GRM5: variants seen among roughly 807,000 people sequenced by gnomAD.
The protein encoded by GRM5 is glutamate metabotropic receptor 5.
A neutral mutation model predicts 83.1 loss-of-function variants in GRM5; 19 were observed. That is an observed-to-expected ratio of 0.23 (90% CI 0.16 to 0.34). The LOEUF (loss-of-function observed/expected upper bound fraction) is 0.34, where lower values mean the gene tolerates loss of function less well. Ranked by LOEUF, GRM5 falls within the 10% of genes least tolerant of loss-of-function variation. GRM5 has a pLI of 1.00. For synonymous variants in GRM5, 675 were observed against 633.6 expected (o/e 1.07, Z -0.98); for missense variants, 1,160 against 1,588.3 (o/e 0.73, Z 4.58).
intron 4 of GRM5, among the ~76,000 whole-genome samples, chr11:88,626,055 T>C (rs16914349): frequency 0.059 from 9,003 of 152,240 alleles, 313 homozygotes; most frequent in East Asian, 0.18. Flanking sequence ...CACACTAAAC[T>C]TTCACAGACA....
chr11:88,634,254 AC>A (rs1458740133), intron 4 of GRM5, among the ~76,000 whole-genome samples: 2 of 152,024 alleles, frequency 1.3e-5, no homozygotes, highest in African/African-American at 4.8e-5. Flanking sequence ...TAAACAATAC[AC>A]CCTTAGGCTA....
intron 2 of GRM5, among the ~76,000 whole-genome samples, chr11:88,979,021 G>C (rs969903344): frequency 1.3e-5 from 2 of 152,094 alleles, no homozygotes; most frequent in Non-Finnish European, 2.9e-5. Context: ...AACAGACCTA[G>C]TTTTAAGAAA....
chr11:88,524,722 T>C (rs919564532), intron 9 of GRM5, among the ~76,000 whole-genome samples: 9 of 152,192 alleles, frequency 5.9e-5, no homozygotes, highest in African/African-American at 2.2e-4. Context: ...GATGCAAAGC[T>C]ATGGTAGCTA....
chr11:88,729,625 T>A (rs1302453271), intron 3 of GRM5, among the ~76,000 whole-genome samples: 2 of 152,172 alleles, frequency 1.3e-5, no homozygotes, highest in African/African-American at 2.4e-5. Context: ...GACTACAAGC[T>A]ATACTACAAG....
intron 3 of GRM5, among the ~76,000 whole-genome samples, chr11:88,655,348 C>T (rs187543643): frequency 2.0e-5 from 3 of 152,040 alleles, no homozygotes; most frequent in Non-Finnish European, 4.4e-5. Flanking sequence ...CATTGGCACT[C>T]GAGGAGCAGC....
intron 2 of GRM5, among the ~76,000 whole-genome samples, chr11:88,863,575 C>T (rs952039597): frequency 7.2e-5 from 11 of 151,848 alleles, no homozygotes; most frequent in African/African-American, 2.7e-4. Context: ...AACACATGAA[C>T]ACAGGGAGGG....
chr11:88,940,394 C>CT (rs953460961), intron 2 of GRM5, among the ~76,000 whole-genome samples: 20 of 88,640 alleles, frequency 2.3e-4, no homozygotes, highest in South Asian at 1.4e-3. Flanking sequence ...TTCTTTTTTT[C>CT]TTTTTTTTGT....
chr11:88,559,606 C>A (rs1436279206), intron 8 of GRM5, among the ~76,000 whole-genome samples: 1 of 152,176 alleles, frequency 6.6e-6, no homozygotes, highest in African/African-American at 2.4e-5. Context: ...ATAACTATTA[C>A]TCCCTAGCTT....
At chr11:89,035,908 C>G (rs193176212) in intron 2 of GRM5, among the ~76,000 whole-genome samples, 2 of 151,962 alleles carry the variant, frequency 1.3e-5, no homozygotes, top group Non-Finnish European at 2.9e-5. Context: ...TCTCAATGTA[C>G]TACAACTTGT....
chr11:88,852,844 C>T (rs1944409867), intron 2 of GRM5, among the ~76,000 whole-genome samples: 1 of 151,924 alleles, frequency 6.6e-6, no homozygotes, highest in Admixed American at 6.6e-5. Flanking sequence ...TTGAGACTTT[C>T]TGGTAGTTGA....
intron 2 of GRM5, among the ~76,000 whole-genome samples, chr11:88,944,913 A>T (rs1938229323): frequency 6.6e-6 from 1 of 151,926 alleles, no homozygotes; most frequent in Non-Finnish European, 1.5e-5. Context: ...GAAAATAAGA[A>T]CTCAAACTAT....
At chr11:88,598,908 T>G (rs1004637021) in intron 5 of GRM5, among the ~76,000 whole-genome samples, 2 of 152,248 alleles carry the variant, frequency 1.3e-5, no homozygotes, top group African/African-American at 4.8e-5. Flanking sequence ...TAGTTCACAC[T>G]GTTAATTTTA....
intron 2 of GRM5, among the ~76,000 whole-genome samples, chr11:88,987,640 T>C (rs1475441701): frequency 6.6e-6 from 1 of 152,008 alleles, no homozygotes; most frequent in Non-Finnish European, 1.5e-5. Flanking sequence ...GCAGTGGTTC[T>C]CCCAGCACGC....
chr11:88,998,789 G>T (rs183399762), intron 2 of GRM5, among the ~76,000 whole-genome samples: 305 of 152,222 alleles, frequency 2.0e-3, no homozygotes, highest in African/African-American at 7.2e-3. Context: ...TACTAGCAAT[G>T]AGCATATGGA....
At chr11:88,882,571 A>G (rs1299607081) in intron 2 of GRM5, among the ~76,000 whole-genome samples, 1 of 151,624 alleles carries the variant, frequency 6.6e-6, no homozygotes, top group African/African-American at 2.4e-5. Flanking sequence ...AAAAAAAAAA[A>G]AAAGAATTGA....
chr11:88,608,763 GC>G (rs1938239113), intron 4 of GRM5, among the ~76,000 whole-genome samples: 1 of 151,762 alleles, frequency 6.6e-6, no homozygotes, highest in Non-Finnish European at 1.5e-5. Context: ...CTCGTGATTG[GC>G]CCCCACTTGG....
At chr11:88,960,784 C>T (rs1938759590) in intron 2 of GRM5, among the ~76,000 whole-genome samples, 1 of 152,174 alleles carries the variant, frequency 6.6e-6, no homozygotes, top group Non-Finnish European at 1.5e-5. Flanking sequence ...ACTAAAATAA[C>T]ATCACAGATC....
chr11:88,805,878 A>T (rs1463113249), intron 3 of GRM5, among the ~76,000 whole-genome samples: 1 of 151,806 alleles, frequency 6.6e-6, no homozygotes, highest in Non-Finnish European at 1.5e-5. Flanking sequence ...TCTTCCCTTT[A>T]TTTTTTTCCT....
chr11:89,010,769 T>G (rs1159033893), intron 2 of GRM5, among the ~76,000 whole-genome samples: 1 of 150,920 alleles, frequency 6.6e-6, no homozygotes, highest in East Asian at 1.9e-4. Flanking sequence ...AGAATAGTTA[T>G]TAGAACGTAG....
Sources: allele counts gnomAD v4.1 joint callset (sites outside exome capture counted in the v4.1 genomes callset), GRCh38; gene constraint gnomAD v4.1.1; transcripts MANE v1.5; gene names NCBI Gene and HGNC (gene_info 2026-07-23, HGNC 2026-07-21).